The following SCHIP1 variants were observed in gnomAD, a reference collection of about 807,000 sequenced individuals.
SCHIP1 encodes the protein schwannomin-interacting protein 1.
SCHIP1 carries 8 observed loss-of-function variants against 29.7 expected under a neutral mutation model. That is an observed-to-expected ratio of 0.27 (90% CI 0.16 to 0.49). The LOEUF (loss-of-function observed/expected upper bound fraction) is 0.49. Ranked by LOEUF, SCHIP1 falls within the 20% of genes least tolerant of loss-of-function variation. The pLI is 0.99. For synonymous variants in SCHIP1, 76 were observed against 94.9 expected, an observed-to-expected ratio of 0.80 and a Z score of 1.16; for missense variants, 193 against 294.6, an observed-to-expected ratio of 0.66 and a Z score of 2.52.
chr3:159,347,272 C>G, the SCHIP1 span, among the ~76,000 whole-genome samples: 1 of 152,192 alleles, frequency 6.6e-6, no homozygotes, highest in Non-Finnish European at 1.5e-5. Context: ...CCTTGTTCAG[C>G]AGAGTGAAAC....
the SCHIP1 span, among the ~76,000 whole-genome samples, chr3:159,781,209 C>T: frequency 6.6e-6 from 1 of 152,034 alleles, no homozygotes; most frequent in Non-Finnish European, 1.5e-5. Flanking sequence ...GAGTTTTGCT[C>T]TTGTTGCCCA....
chr3:159,812,159 C>T, the SCHIP1 span, among the ~76,000 whole-genome samples: 28 of 151,778 alleles, frequency 1.8e-4, 2 homozygotes, highest in South Asian at 3.8e-3. Flanking sequence ...TTAGTAGAGA[C>T]GGGGTTTCAC....
chr3:159,384,124 G>C, the SCHIP1 span, among the ~76,000 whole-genome samples: 1 of 151,338 alleles, frequency 6.6e-6, no homozygotes, highest in South Asian at 2.1e-4. Context: ...TAATTGCCCT[G>C]GCCAGCACTT....
At chr3:159,649,157 C>T in the SCHIP1 span, among the ~76,000 whole-genome samples, 3 of 152,060 alleles carry the variant, frequency 2.0e-5, no homozygotes, top group Non-Finnish European at 4.4e-5. Context: ...GTAATTTGCC[C>T]AATGTCATTT....
chr3:159,274,325 G>T, the SCHIP1 span: 2 of 981,836 alleles, frequency 2.0e-6, no homozygotes, highest in Non-Finnish European at 2.4e-6. Context: ...TATACTTTCA[G>T]TTACCAAAAG....
At chr3:159,635,877 T>C in the SCHIP1 span, among the ~76,000 whole-genome samples, 1 of 152,236 alleles carries the variant, frequency 6.6e-6, no homozygotes, top group Non-Finnish European at 1.5e-5. Context: ...TGATAAAAGT[T>C]ATCATTGTCT....
chr3:159,360,926 C>T, the SCHIP1 span, among the ~76,000 whole-genome samples: 3 of 152,170 alleles, frequency 2.0e-5, no homozygotes, highest in Non-Finnish European at 4.4e-5. Context: ...TTTCTGGTGC[C>T]AGGTTCTGCT....
At chr3:159,790,418 C>T in the SCHIP1 span, among the ~76,000 whole-genome samples, 1 of 152,176 alleles carries the variant, frequency 6.6e-6, no homozygotes, top group Admixed American at 6.5e-5. Context: ...CAGCTGGGTG[C>T]AGTGGCTCAC....
chr3:159,857,347 C>T (rs1713506204), intron 1 of SCHIP1, among the ~76,000 whole-genome samples: 1 of 152,126 alleles, frequency 6.6e-6, no homozygotes, highest in South Asian at 2.1e-4. Flanking sequence ...TCTTCTACAG[C>T]ACTCTCTACT....
the SCHIP1 span, among the ~76,000 whole-genome samples, chr3:159,400,463 C>G: frequency 1.1e-4 from 17 of 152,296 alleles, no homozygotes; most frequent in African/African-American, 3.8e-4. Flanking sequence ...TCCTAATCTC[C>G]CTTTCAATCT....
At chr3:159,750,284 T>C in the SCHIP1 span, among the ~76,000 whole-genome samples, 866 of 60,968 alleles carry the variant, frequency 0.014, 11 homozygotes, top group African/African-American at 0.038. Flanking sequence ...TATATATATA[T>C]ATATATATAT....
chr3:159,772,381 T>G, the SCHIP1 span, among the ~76,000 whole-genome samples: 83 of 152,306 alleles, frequency 5.4e-4, no homozygotes, highest in South Asian at 0.014. Flanking sequence ...TGACCTCAAG[T>G]GATCCACCCG....
chr3:159,765,593 C>A, the SCHIP1 span: 1 of 157,668 alleles, frequency 6.3e-6, no homozygotes, highest in African/African-American at 2.4e-5. Context: ...AGGCTTGTTC[C>A]TATGCACACG....
chr3:159,828,376 CATAT>C, the SCHIP1 span, among the ~76,000 whole-genome samples: 1 of 75,710 alleles, frequency 1.3e-5, no homozygotes, highest in South Asian at 4.4e-4. Flanking sequence ...TATATATATA[CATAT>C]ATATATACAT....
the SCHIP1 span, among the ~76,000 whole-genome samples, chr3:159,731,817 T>G: frequency 1.3e-5 from 2 of 152,332 alleles, no homozygotes; most frequent in South Asian, 2.1e-4. Flanking sequence ...ATAAAGGGTT[T>G]TCTGGCCTTT....
chr3:159,800,061 C>G, the SCHIP1 span, among the ~76,000 whole-genome samples: 1 of 152,112 alleles, frequency 6.6e-6, no homozygotes, highest in African/African-American at 2.4e-5. Flanking sequence ...CACTTATTCC[C>G]CACATATTAA....
At chr3:159,273,552 G>A in the SCHIP1 span, 1 of 1,232,998 alleles carries the variant, frequency 8.1e-7, no homozygotes, top group Non-Finnish European at 1.0e-6. Flanking sequence ...GAAGAACACT[G>A]GCAAAAATCA....
At chr3:159,462,860 AT>A in the SCHIP1 span, among the ~76,000 whole-genome samples, 1 of 152,148 alleles carries the variant, frequency 6.6e-6, no homozygotes, top group East Asian at 1.9e-4. Flanking sequence ...CAAGAATGAA[AT>A]GTTCATTACA....
At chr3:159,466,516 AAC>A in the SCHIP1 span, among the ~76,000 whole-genome samples, 1 of 152,166 alleles carries the variant, frequency 6.6e-6, no homozygotes, top group African/African-American at 2.4e-5. Context: ...TCAAAAGGAG[AAC>A]ACTCCATAAG....
Sources: gnomAD v4.1 joint callset for allele counts (sites outside exome capture counted in the v4.1 genomes callset) on GRCh38, gnomAD v4.1.1 for gene constraint, MANE v1.5 for transcripts, NCBI Gene and HGNC (gene_info 2026-07-23, HGNC 2026-07-21) for gene names.